Variants in EPB41L3 observed in about 807,000 individuals in gnomAD.
EPB41L3 encodes the protein erythrocyte membrane protein band 4.1 like 3.
In EPB41L3, 57 loss-of-function variants were observed where a neutral mutation model predicts 127.1. That is an observed-to-expected ratio of 0.45 (90% CI 0.36 to 0.56). The LOEUF (loss-of-function observed/expected upper bound fraction) is 0.56, where lower values mean the gene tolerates loss of function less well. Among genes scored for constraint, EPB41L3 ranks in the 20% least tolerant of loss-of-function variants. EPB41L3 has a pLI of 0.00. For missense variants in EPB41L3, 1,273 were observed against 1,372.2 expected, an observed-to-expected ratio of 0.93 and a Z score of 1.14; for synonymous variants, 572 against 549.5, an observed-to-expected ratio of 1.04 and a Z score of -0.57.
chr18:5,622,979 G>C (rs149405376), intron 1 of EPB41L3, among the ~76,000 whole-genome samples: 1 of 21,576 alleles, frequency 4.6e-5, no homozygotes, highest in Middle Eastern at 0.033. Flanking sequence ...TTTTTTTTTA[G>C]CTATCAGACC....
intron 3 of EPB41L3, among the ~76,000 whole-genome samples, chr18:5,602,393 AC>A (rs1479536470): frequency 2.0e-5 from 3 of 152,200 alleles, no homozygotes; most frequent in Non-Finnish European, 4.4e-5. Flanking sequence ...ATGCTAATCC[AC>A]TTGGAAGGAT....
At chr18:5,427,936 G>A (rs1374759880) in intron 9 of EPB41L3, among the ~76,000 whole-genome samples, 1 of 152,006 alleles carries the variant, frequency 6.6e-6, no homozygotes, top group Non-Finnish European at 1.5e-5. Flanking sequence ...TAGTAGAGAT[G>A]GCATTTCACC....
chr18:5,529,598 C>A (rs1437142187), intron 1 of EPB41L3, among the ~76,000 whole-genome samples: 1 of 152,216 alleles, frequency 6.6e-6, no homozygotes, highest in Non-Finnish European at 1.5e-5. Flanking sequence ...GCAAAGGGAG[C>A]ATTGCAGCTC....
intron 3 of EPB41L3, among the ~76,000 whole-genome samples, chr18:5,597,764 A>G (rs2094550886): frequency 6.6e-6 from 1 of 152,120 alleles, no homozygotes; most frequent in African/African-American, 2.4e-5. Flanking sequence ...TTGTCAATTT[A>G]TGGTATCACT....
intron 11 of EPB41L3, 86 bp downstream of exon 11, chr18:5,423,292 A>T: frequency 1.5e-6 from 2 of 1,338,478 alleles, no homozygotes; most frequent in Non-Finnish European, 2.0e-6. Flanking sequence ...ATCCAGGAAT[A>T]TCTATACTTA....
chr18:5,620,235 G>T (rs886805369), intron 1 of EPB41L3, among the ~76,000 whole-genome samples: 1 of 152,070 alleles, frequency 6.6e-6, no homozygotes, highest in African/African-American at 2.4e-5. Flanking sequence ...TATCATCCAG[G>T]GAAATTAAGT....
At chr18:5,574,800 T>A (rs2094321326) in intron 3 of EPB41L3, among the ~76,000 whole-genome samples, 1 of 152,172 alleles carries the variant, frequency 6.6e-6, no homozygotes, top group East Asian at 1.9e-4. Context: ...TGTGCCTGGT[T>A]CCCCCAAGAC....
chr18:5,541,252 CAAAAAA>C (rs370717420), intron 1 of EPB41L3, among the ~76,000 whole-genome samples: 8 of 46,766 alleles, frequency 1.7e-4, no homozygotes, highest in African/African-American at 6.6e-4. Flanking sequence ...GACTCCATCT[CAAAAAA>C]AAAAAAAAAA....
In EPB41L3 at chr18:5,406,867, A is replaced by C; in HGVS notation, c.2259T>G (p.Asn753Lys). Residue 753 changes from asparagine (N) to lysine (K), a missense_variant, in exon 16 of 23, where the codon AAT becomes AAG. Physicochemically the swap from Asn to Lys is moderately conservative, Grantham distance 94 (BLOSUM62 0). Around this residue, in one of 3 missense-constraint regions of EPB41L3, gnomAD observed 765 missense variants for 782.9 expected, o/e 0.98. Transcript: ENST00000341928. The part of the protein sequence containing the change: ...LETSTDTAVT[N>K]EWEKRLSTSP... ...AGGTGGAAAGCCTCTTCTCCCATTC[A>C]TTCGTTACGGCAGTGTCTGTTGAGG... 1 of 1,614,160 alleles carries C rather than the reference A, an allele frequency of 6.2e-7. No individual in the cohort carries two copies. The highest frequency in any genetic ancestry group is 8.5e-7 in the Non-Finnish European group (1 of 1,180,012).
intron 1 of EPB41L3, among the ~76,000 whole-genome samples, chr18:5,498,006 A>C (rs1463836940): frequency 4.6e-5 from 7 of 152,212 alleles, no homozygotes; most frequent in Admixed American, 1.3e-4. Flanking sequence ...TAAAGTTTCT[A>C]TGTGGTCTGT....
chr18:5,616,111 T>C (rs972414683), intron 1 of EPB41L3, among the ~76,000 whole-genome samples: 2 of 152,096 alleles, frequency 1.3e-5, no homozygotes, highest in African/African-American at 2.4e-5. Flanking sequence ...CACAAAAATA[T>C]AGAACAATGA....
chr18:5,619,746 T>C (rs2094839397), intron 1 of EPB41L3, among the ~76,000 whole-genome samples: 1 of 152,250 alleles, frequency 6.6e-6, no homozygotes, highest in Non-Finnish European at 1.5e-5. Flanking sequence ...TTATTTATTT[T>C]AATGGGAGCC....
intron 5 of EPB41L3, 45 bp from the exon 6 acceptor site, chr18:5,438,155 T>C: frequency 6.3e-7 from 1 of 1,580,352 alleles, no homozygotes; most frequent in Non-Finnish European, 8.7e-7. Flanking sequence ...GAGAAATTCT[T>C]ATGACTCTAA....
intron 3 of EPB41L3, among the ~76,000 whole-genome samples, chr18:5,580,217 G>C (rs557932154): frequency 1.3e-3 from 201 of 152,146 alleles, no homozygotes; most frequent in African/African-American, 4.8e-3. Context: ...CAAAAATGGG[G>C]TAGATACACT....
At chr18:5,571,976 C>T (rs2094286709) in intron 3 of EPB41L3, among the ~76,000 whole-genome samples, 1 of 152,216 alleles carries the variant, frequency 6.6e-6, no homozygotes, top group African/African-American at 2.4e-5. Context: ...GACCTGCGTA[C>T]TTGGAATCAT....
chr18:5,513,677 T>G (rs963646886), intron 1 of EPB41L3, among the ~76,000 whole-genome samples: 1 of 152,214 alleles, frequency 6.6e-6, no homozygotes, highest in Non-Finnish European at 1.5e-5. Context: ...GTGGTGATAT[T>G]AATCATATCA....
intron 3 of EPB41L3, among the ~76,000 whole-genome samples, chr18:5,452,280 T>G (rs1394930780): frequency 6.6e-6 from 1 of 152,200 alleles, no homozygotes; most frequent in Admixed American, 6.5e-5. Context: ...TTTACTTTTT[T>G]GGGAGGAAGT....
intron 1 of EPB41L3, among the ~76,000 whole-genome samples, chr18:5,491,714 A>G: frequency 6.6e-6 from 1 of 152,222 alleles, no homozygotes; most frequent in South Asian, 2.1e-4. Context: ...CACTATAGGC[A>G]TAATATAATA....
intron 6 of EPB41L3, among the ~76,000 whole-genome samples, chr18:5,435,402 G>A (rs1037337950): frequency 6.6e-6 from 1 of 152,038 alleles, no homozygotes; most frequent in Non-Finnish European, 1.5e-5. Context: ...CATGGTAAGT[G>A]GCCTACACAG....
Sources: allele counts gnomAD v4.1 joint callset (sites outside exome capture counted in the v4.1 genomes callset), GRCh38; gene constraint gnomAD v4.1.1; regional missense constraint gnomAD v4.1.1; transcripts MANE v1.5; gene names NCBI Gene and HGNC (gene_info 2026-07-23, HGNC 2026-07-21).